Variants in CAT observed in about 807,000 individuals in gnomAD.
CAT encodes the protein epididymis secretory sperm binding protein.
CAT carries 43 observed loss-of-function variants against 59.0 expected under a neutral mutation model. The observed-to-expected ratio is 0.73, with a 90% CI of 0.57 to 0.94. The LOEUF is 0.94. Ranked by LOEUF, CAT falls within the 40% of genes least tolerant of loss-of-function variation. CAT has a pLI of 0.00. For synonymous variants in CAT, 218 were observed against 230.9 expected, an observed-to-expected ratio of 0.94 and a Z score of 0.51; for missense variants, 664 against 682.9, an observed-to-expected ratio of 0.97 and a Z score of 0.31.
chr11:34,441,632 A>G (rs1461967191), intron 1 of CAT, among the ~76,000 whole-genome samples: 1 of 152,114 alleles, frequency 6.6e-6, no homozygotes, highest in Non-Finnish European at 1.5e-5. Context: ...CATCTCTACA[A>G]CAAATAAAAG....
intron 10 of CAT, among the ~76,000 whole-genome samples, chr11:34,466,344 C>G (rs1283984087): frequency 6.6e-6 from 1 of 152,118 alleles, no homozygotes; most frequent in African/African-American, 2.4e-5. Flanking sequence ...GACCAGGCAC[C>G]TAACACATTA....
In CAT at chr11:34,439,044, C is replaced by A; in HGVS notation, c.31C>A (p.Gln11Lys). The change falls in exon 1 of 13, where the codon CAG becomes AAG. Residue 11 changes from glutamine (Q) to lysine (K), a missense_variant. By Grantham distance (53) the Gln-to-Lys change is moderately conservative. Transcript: ENST00000241052. ...TGACAGCCGGGATCCCGCCAGCGAC[C>A]AGATGCAGCACTGGAAGGAGCAGCG... MADSRDPASDQMQHWKEQRAA... is the reference protein window; with the variant it reads MADSRDPASDKMQHWKEQRAA... The A allele has an allele frequency of 6.3e-7, 1 of 1,599,904 alleles. No individual in the cohort carries two copies. Among genetic ancestry groups the A allele is most frequent in the Non-Finnish European group, 8.5e-7 (1 of 1,173,326 alleles).
chr11:34,445,363 G>T (rs1480024720), intron 1 of CAT, among the ~76,000 whole-genome samples: 1 of 151,454 alleles, frequency 6.6e-6, no homozygotes, highest in African/African-American at 2.4e-5. Context: ...TGTGGTGGTG[G>T]TCGCCTGTAA....
In CAT at chr11:34,456,684, A is replaced by G. The variant is rs770759609; in HGVS notation, c.923A>G (p.Tyr308Cys). 19 of 1,614,142 alleles carry G rather than the reference A, an allele frequency of 1.2e-5. 1 individual carries two copies. The highest frequency in any genetic ancestry group is 1.2e-5 in the Non-Finnish European group (14 of 1,179,962). ...TTTCAGGTTTGGCCTCACAAGGACT[A>G]CCCTCTCATCCCAGTTGGTAAACTG... ...DLTKVWPHKDYPLIPVGKLVL... is the reference protein window; with the variant it reads ...DLTKVWPHKDCPLIPVGKLVL... Residue 308 changes from tyrosine (Y) to cysteine (C), a missense_variant, in exon 8 of 13, where the codon TAC becomes TGC. Tyr to Cys is a radical substitution (Grantham distance 194, BLOSUM62 -2). Coordinates refer to ENST00000241052, the MANE Select transcript of CAT (RefSeq NM_001752.4).
rs907605165 is a variant in CAT at position 34,471,485 on chromosome 11, C to T, written c.*52C>T. On this transcript the variant is annotated 3_prime_UTR_variant, in exon 13 of 13. Coordinates refer to ENST00000241052, the MANE Select transcript of CAT (RefSeq NM_001752.4). ...AAGCTTAGCGTTCATCCGTGTAACC[C>T]GCTCATCACTGGATGAAGATTCTCC... 2.2e-5 allele frequency: 32 copies of T among 1,444,496 alleles called. 1 individual carries two copies. In the Admixed American group the frequency reaches 3.2e-4, roughly 14 times the overall value. The allele number at this position is 1,444,496 out of a possible 1,614,324, so 89.5% of individuals were successfully genotyped here. A position where few individuals can be genotyped will look rare whatever the true frequency, so the allele number is the denominator to read the frequency against.
At chr11:34,452,339 C>T (rs1011422909) in intron 4 of CAT, 132 bp downstream of exon 4, 3 of 784,758 alleles carry the variant, frequency 3.8e-6, no homozygotes, top group Non-Finnish European at 6.5e-6. Context: ...CTACTTTTTT[C>T]AACACATTTT....
At chr11:34,456,932 C>G (rs1856597740) in intron 8 of CAT, 115 bp downstream of exon 8, 1 of 1,121,278 alleles carries the variant, frequency 8.9e-7, no homozygotes. Context: ...ATTACTTAAA[C>G]TTTAATCTGG....
intron 11 of CAT, among the ~76,000 whole-genome samples, chr11:34,469,987 C>T (rs1053705084): frequency 1.3e-5 from 2 of 151,948 alleles, no homozygotes; most frequent in Admixed American, 6.6e-5. Context: ...GGTTTTTTTC[C>T]CCGACAATAA....
rs35834969 is a variant in CAT at position 34,455,927 on chromosome 11, C to G, written c.712-84C>G. 6.3e-5 allele frequency: 71 copies of G among 1,126,560 alleles called. No individual in the cohort carries two copies. In the East Asian group the frequency reaches 1.5e-3, roughly 25 times the overall value. 69.8% of individuals were successfully genotyped at this position (1,126,560 alleles called of 1,614,324 possible). A position where few individuals can be genotyped will look rare whatever the true frequency, so the allele number is the denominator to read the frequency against. ...AGTTCATTCTTTGGGCAGTGTTACT[C>G]ATAATCCTTCAATGAATTACTGATG... On this transcript the variant is annotated intron_variant, in intron 6 of 12. Coordinates refer to ENST00000241052, the MANE Select transcript of CAT (RefSeq NM_001752.4).
rs755567886 is a variant in CAT, at chr11:34,471,017, C to G, written c.1494C>G (p.Asp498Glu). The G allele has an allele frequency of 6.2e-7, 1 of 1,614,152 alleles. No individual in the cohort carries two copies. The change falls in exon 12 of 13, where the codon GAC (aspartate) becomes GAG (glutamate). Residue 498 changes from aspartate to glutamate, a missense_variant. Coordinates refer to ENST00000241052, the MANE Select transcript of CAT (RefSeq NM_001752.4). The stretch of plus-strand genomic sequence containing the variant: ...GGAGCCACATCCAGGCTCTTCTGGA[C>G]AAGTACAATGCTGAGAAGCCTAAGG... ...DYGSHIQALL[D>E]KYNAEKPKNA...
intron 1 of CAT, among the ~76,000 whole-genome samples, chr11:34,445,495 C>CAAAAAAAAAAAAAAAAAA (rs58169234): frequency 2.2e-4 from 8 of 36,350 alleles, no homozygotes; most frequent in African/African-American, 9.9e-4. Flanking sequence ...GACTCCATCT[C>CAAAAAAAAAAAAAAAAAA]AAAAAAAAAA....
At chr11:34,470,116 A>G (rs2133861178) in intron 11 of CAT, among the ~76,000 whole-genome samples, 1 of 152,300 alleles carries the variant, frequency 6.6e-6, no homozygotes, top group Admixed American at 6.5e-5. Context: ...CACTTTAGAT[A>G]ACAAATGAGG....
chr11:34,440,974 G>A (rs1856383907), intron 1 of CAT, among the ~76,000 whole-genome samples: 3 of 152,160 alleles, frequency 2.0e-5, no homozygotes. Context: ...GTGAGAAATG[G>A]CTGACTCCAA....
At chr11:34,457,014 A>G (rs1307529963) in intron 8 of CAT, 197 bp downstream of exon 8, 1 of 612,826 alleles carries the variant, frequency 1.6e-6, no homozygotes, top group South Asian at 1.9e-5. Flanking sequence ...TAAACCAAGT[A>G]TAAACAAAAG....
chr11:34,461,251 G>A lies in CAT; in HGVS notation c.1057G>A (p.Gly353Ser). Reference sequence around the variant, plus strand: ...GTGTCTATTGTATTTATTACTGCAGGGCCGCCTTTTTGCCTATCCTGACAC... The same window carrying A: ...GTGTCTATTGTATTTATTACTGCAGAGCCGCCTTTTTGCCTATCCTGACAC... Reference protein sequence around the residue: ...IEASPDKMLQGRLFAYPDTHR... With the variant: ...IEASPDKMLQSRLFAYPDTHR... Residue 353 changes from glycine (G) to serine (S), a missense_variant and splice_region_variant, in exon 9 of 13, where the codon GGC (glycine) becomes AGC (serine). Transcript: ENST00000241052. The A allele has an allele frequency of 6.2e-7, 1 of 1,614,140 alleles. No individual in the cohort carries two copies. Among genetic ancestry groups the A allele is most frequent in the Non-Finnish European group, 8.5e-7 (1 of 1,179,992 alleles).
chr11:34,461,488 G>A, intron 9 of CAT, 99 bp downstream of exon 9: 1 of 1,421,000 alleles, frequency 7.0e-7, no homozygotes, highest in Non-Finnish European at 9.9e-7. Context: ...GGCCCCGCAG[G>A]ACCTCCTGCT....
At chr11:34,461,445 TG>T (rs1856650760) in intron 9 of CAT, 56 bp downstream of exon 9, 1 of 1,603,698 alleles carries the variant, frequency 6.2e-7, no homozygotes. Flanking sequence ...GTGGAGCAGA[TG>T]GGCGGGAGGC....
At chr11:34,449,484 G>C in intron 2 of CAT, 121 bp downstream of exon 2, 1 of 806,620 alleles carries the variant, frequency 1.2e-6, no homozygotes, top group South Asian at 1.6e-5. Flanking sequence ...TGGGAGAAAG[G>C]AAAAACATCC....
intron 10 of CAT, among the ~76,000 whole-genome samples, chr11:34,466,554 G>A (rs1033584711): frequency 2.0e-5 from 3 of 151,982 alleles, no homozygotes; most frequent in African/African-American, 7.2e-5. Context: ...GAGGTGGGCG[G>A]ATCACGAGGT....
Sources: gnomAD v4.1 joint callset for allele counts (sites outside exome capture counted in the v4.1 genomes callset) on GRCh38, gnomAD v4.1.1 for gene constraint, MANE v1.5 for transcripts, NCBI Gene and HGNC (gene_info 2026-07-23, HGNC 2026-07-21) for gene names.